Variants in EPS8 observed in about 807,000 individuals in gnomAD.
EPS8 encodes the protein EGFR pathway substrate 8, signaling adaptor.
In EPS8, 42 loss-of-function variants were observed where a neutral mutation model predicts 103.8. The observed-to-expected ratio is 0.40, with a 90% CI of 0.32 to 0.52. The LOEUF is 0.52. EPS8 is among the 20% of genes least tolerant of loss of function. The probability of loss-of-function intolerance (pLI) is 0.40; values close to 1 mark genes in which losing one functional copy is unlikely to be tolerated. For synonymous variants in EPS8, 344 were observed against 344.6 expected, an observed-to-expected ratio of 1.00 and a Z score of 0.02; for missense variants, 969 against 1,005.1, an observed-to-expected ratio of 0.96 and a Z score of 0.49.
intron 1 of EPS8, among the ~76,000 whole-genome samples, chr12:15,730,114 T>C (rs1156908982): frequency 6.6e-6 from 1 of 152,172 alleles, no homozygotes; most frequent in East Asian, 1.9e-4. Context: ...CCCATCTCTA[T>C]AACTTTGGGG....
chr12:15,768,683 C>T (rs75279606), intron 1 of EPS8, among the ~76,000 whole-genome samples: 19,798 of 148,852 alleles, frequency 0.13, 1,678 homozygotes, highest in Admixed American at 0.23. Context: ...AGTAGTGATT[C>T]GGCAATCCAC....
chr12:15,761,365 C>A lies in EPS8; in HGVS notation c.-22+27796G>T, dbSNP rs141389008. ...GTTAAAATTTCCATACTTCCCAAAG[C>A]AATCTACAGATTCAATGAAATCCCT... On this transcript the variant is annotated intron_variant, in intron 1 of 20. Coordinates refer to ENST00000281172, the MANE Select transcript of EPS8 (RefSeq NM_004447.6). This position sits in a 1 kb window ranked among gnomAD's most constrained non-coding sequence, Gnocchi z 4.5. 5.7e-3 allele frequency among the ~76,000 whole-genome samples: 865 copies of A among 152,148 alleles called. 7 individuals are homozygous for A. The highest frequency in any genetic ancestry group is 0.02 in the African/African-American group (824 of 41,548).
intron 13 of EPS8, among the ~76,000 whole-genome samples, chr12:15,651,366 C>A (rs924999558): frequency 6.6e-6 from 1 of 152,176 alleles, no homozygotes; most frequent in African/African-American, 2.4e-5. Context: ...AGAGCACAAA[C>A]TTCTCTAACA....
rs974946209 is a variant in EPS8 at position 15,700,136 on chromosome 12, C to T, written c.-21-17164G>A. Among the ~76,000 whole-genome samples the T allele has an allele frequency of 1.4e-4, 21 of 152,156 alleles. No homozygotes were observed. The highest frequency in any genetic ancestry group is 3.2e-3 in the Middle Eastern group (1 of 316). On this transcript the variant is annotated intron_variant, in intron 1 of 20. Transcript: ENST00000281172. The surrounding 1 kb of genome is among the most constrained non-coding windows in gnomAD (Gnocchi z 5.1). ...TGCCTCTGCACTGCAGCCTGGGGGA[C>T]AGAATGAGACTCCATCTCAAAAACA...
chr12:15,740,131 A>G (rs1415784140), intron 1 of EPS8, among the ~76,000 whole-genome samples: 2 of 152,210 alleles, frequency 1.3e-5, no homozygotes, highest in Admixed American at 1.3e-4. Flanking sequence ...AGAAAAAAAA[A>G]TCAAACTCCT....
rs1472635367 is a variant in EPS8, at chr12:15,762,035, C to T, written c.-22+27126G>A. 6.6e-6 allele frequency among the ~76,000 whole-genome samples: 1 copy of T among 152,218 alleles called. No homozygotes were observed. The highest frequency in any genetic ancestry group is 1.9e-4 in the East Asian group (1 of 5,184). On this transcript the variant is annotated intron_variant, in intron 1 of 20. Transcript: ENST00000281172. The surrounding 1 kb of genome is among the most constrained non-coding windows in gnomAD (Gnocchi z 4.8). ...GAAAATATATTTGCAAACTATCCAT[C>T]TGAAAAGAGATTAATAATCAGAATA...
chr12:15,773,216 C>T (rs976814400), intron 1 of EPS8, among the ~76,000 whole-genome samples: 18 of 152,072 alleles, frequency 1.2e-4, no homozygotes, highest in African/African-American at 4.3e-4. Flanking sequence ...GACATAGGTA[C>T]ATATAAGAGA....
intron 15 of EPS8, among the ~76,000 whole-genome samples, chr12:15,645,316 T>C (rs897624870): frequency 1.3e-5 from 2 of 152,168 alleles, no homozygotes; most frequent in African/African-American, 4.8e-5. Flanking sequence ...TGTCAGCCAA[T>C]GATTATGTTT....
rs1946772423 is a variant in EPS8 at position 15,736,920 on chromosome 12, C to T, written c.-22+52241G>A. Among the ~76,000 whole-genome samples the T allele has an allele frequency of 6.6e-6, 1 of 152,022 alleles. No individual in the cohort carries two copies. The highest frequency in any genetic ancestry group is 1.9e-4 in the East Asian group (1 of 5,200). Reference sequence around the variant, plus strand: ...CTCAATGCTTATAAGAAAAATTATCCTAAATACTTAAAAAAATAAAATCTT... The same window carrying T: ...CTCAATGCTTATAAGAAAAATTATCTTAAATACTTAAAAAAATAAAATCTT... On this transcript the variant is annotated intron_variant, in intron 1 of 20. Transcript: ENST00000281172. The surrounding 1 kb of genome is among the most constrained non-coding windows in gnomAD (Gnocchi z 4.2).
intron 1 of EPS8, among the ~76,000 whole-genome samples, chr12:15,788,558 C>T (rs1223735149): frequency 6.6e-6 from 1 of 152,192 alleles, no homozygotes; most frequent in Non-Finnish European, 1.5e-5. Context: ...GAACTGACCA[C>T]AACCGGAGAA....
chr12:15,632,315 G>T (rs747594262), intron 17 of EPS8, among the ~76,000 whole-genome samples: 13 of 152,040 alleles, frequency 8.6e-5, no homozygotes, highest in Non-Finnish European at 1.5e-4. Flanking sequence ...GGGACCTGTG[G>T]CCATTTGTAT....
At chr12:15,758,591 G>A (rs1565532885) in intron 1 of EPS8, among the ~76,000 whole-genome samples, 1 of 152,182 alleles carries the variant, frequency 6.6e-6, no homozygotes, top group East Asian at 1.9e-4. Flanking sequence ...CACTGGTACA[G>A]ATTAAAGAAG....
intron 17 of EPS8, among the ~76,000 whole-genome samples, chr12:15,639,081 T>C (rs1002283951): frequency 6.6e-6 from 1 of 152,212 alleles, no homozygotes; most frequent in African/African-American, 2.4e-5. Context: ...TGGATAATTG[T>C]TTTCAAAACT....
intron 1 of EPS8, among the ~76,000 whole-genome samples, chr12:15,755,636 T>C (rs904850431): frequency 2.0e-5 from 3 of 152,192 alleles, no homozygotes; most frequent in African/African-American, 4.8e-5. Context: ...CAGTGATCTC[T>C]TTCTATGGGT....
At chr12:15,672,439 T>C (rs543630736) in intron 3 of EPS8, 2 of 398,316 alleles carry the variant, frequency 5.0e-6, no homozygotes, top group Non-Finnish European at 8.9e-6. Context: ...CACTACAAAA[T>C]TCACTCTGTG....
chr12:15,749,072 T>C lies in EPS8; in HGVS notation c.-22+40089A>G, dbSNP rs891618624. 1.3e-5 allele frequency among the ~76,000 whole-genome samples: 2 copies of C among 152,166 alleles called. No homozygotes were observed. Among genetic ancestry groups the C allele is most frequent in the African/African-American group, 4.8e-5 (2 of 41,434 alleles). On this transcript the variant is annotated intron_variant, in intron 1 of 20. Coordinates refer to ENST00000281172, the MANE Select transcript of EPS8 (RefSeq NM_004447.6). This position sits in a 1 kb window ranked among gnomAD's most constrained non-coding sequence, Gnocchi z 4.0. ...TGTCAAGATCCATCCTAGTGTTCTT[T>C]TGGAAGAGCTAAATGTAATACTGTT... is the stretch of plus-strand genomic sequence containing the variant.
At position 15,700,748 on chromosome 12, in the gene EPS8, G is replaced by A. The variant is rs373444165; in HGVS notation, c.-21-17776C>T. ...AAGGAGGTTCAAAACTGACTCAGAG[G>A]AAAAAGTACTATGCTCTGACTCACC... On this transcript the variant is annotated intron_variant, in intron 1 of 20. Transcript: ENST00000281172. This position sits in a 1 kb window ranked among gnomAD's most constrained non-coding sequence, Gnocchi z 5.1. Among the ~76,000 whole-genome samples, 98 of 152,154 alleles carry A rather than the reference G, an allele frequency of 6.4e-4. No individual in the cohort carries two copies. The South Asian group carries it at 7.7e-3, about 12-fold the overall frequency.
chr12:15,743,060 G>T (rs578005986), intron 1 of EPS8, among the ~76,000 whole-genome samples: 1 of 152,054 alleles, frequency 6.6e-6, no homozygotes, highest in African/African-American at 2.4e-5. Flanking sequence ...CAACTTCAGC[G>T]AAGTCTCAGG....
chr12:15,629,993 TG>T (rs2135726349), intron 18 of EPS8, among the ~76,000 whole-genome samples: 1 of 152,270 alleles, frequency 6.6e-6, no homozygotes, highest in South Asian at 2.1e-4. Flanking sequence ...TACTGGTATC[TG>T]GATGTCAGAG....
Sources: allele counts gnomAD v4.1 joint callset (sites outside exome capture counted in the v4.1 genomes callset), GRCh38; gene constraint gnomAD v4.1.1; non-coding constraint Gnocchi (gnomAD v3.1); transcripts MANE v1.5; gene names NCBI Gene and HGNC (gene_info 2026-07-23, HGNC 2026-07-21).